ROBO2: variants seen among roughly 807,000 people sequenced by gnomAD.
ROBO2 encodes the protein roundabout homolog 2.
A neutral mutation model predicts 160.8 loss-of-function variants in ROBO2; 53 were observed. The observed-to-expected ratio is 0.33, with a 90% CI of 0.26 to 0.41. The LOEUF is 0.41. Ranked by LOEUF, ROBO2 falls within the 10% of genes least tolerant of loss-of-function variation. ROBO2 has a pLI of 1.00. For synonymous variants in ROBO2, 664 were observed against 611.7 expected, an observed-to-expected ratio of 1.09 and a Z score of -1.26; for missense variants, 1,577 against 1,722.4, an observed-to-expected ratio of 0.92 and a Z score of 1.49.
intron 1 of ROBO2, among the ~76,000 whole-genome samples, chr3:77,096,702 G>A (rs1009243463): frequency 2.0e-5 from 3 of 151,894 alleles, no homozygotes; most frequent in African/African-American, 4.8e-5. Context: ...CACCCACCTC[G>A]GCCTCCCAAA....
At position 77,012,359 on chromosome 3, in the gene ROBO2, A is replaced by G. The variant is rs893613557; in HGVS notation, c.110-85655A>G. Among the ~76,000 whole-genome samples, 12 of 152,324 alleles carry G rather than the reference A, an allele frequency of 7.9e-5. No homozygotes were observed. The East Asian group carries it at 1.5e-3, about 20-fold the overall frequency. On this transcript the variant is annotated intron_variant, in intron 2 of 26. Coordinates refer to the ROBO2 transcript ENST00000487694. ...TGTTTACTTTCTATTTCAAGGCTTC[A>G]TGAAACTTTCAGCCTAAAGATTAAT...
intron 2 of ROBO2, among the ~76,000 whole-genome samples, chr3:76,879,080 A>C (rs955320380): frequency 6.6e-6 from 1 of 152,212 alleles, no homozygotes; most frequent in African/African-American, 2.4e-5. Flanking sequence ...AGAAACCCAG[A>C]TGATTTATTC....
intron 2 of ROBO2, among the ~76,000 whole-genome samples, chr3:76,112,377 AC>A (rs2070272688): frequency 6.6e-6 from 1 of 151,970 alleles, no homozygotes; most frequent in African/African-American, 2.4e-5. Flanking sequence ...AATACAAATA[AC>A]CTAGTCATAT....
At chr3:76,215,884 G>C (rs990333743) in intron 2 of ROBO2, among the ~76,000 whole-genome samples, 23 of 152,082 alleles carry the variant, frequency 1.5e-4, no homozygotes, top group African/African-American at 5.3e-4. Flanking sequence ...TGAAATGAAG[G>C]AAAAAATGTT....
At chr3:77,069,006 G>A (rs1368525599) in intron 1 of ROBO2, among the ~76,000 whole-genome samples, 8 of 152,030 alleles carry the variant, frequency 5.3e-5, no homozygotes, top group Non-Finnish European at 1.0e-4. Context: ...TTTGAGCATG[G>A]CCACGCTCAA....
intron 2 of ROBO2, among the ~76,000 whole-genome samples, chr3:77,222,531 G>A (rs2085961224): frequency 6.6e-6 from 1 of 152,290 alleles, no homozygotes; most frequent in African/African-American, 2.4e-5. Context: ...TTGCAAGTAA[G>A]AGTGAATTGG....
chr3:77,046,631 C>G (rs2149660692), intron 1 of ROBO2, among the ~76,000 whole-genome samples: 1 of 152,212 alleles, frequency 6.6e-6, no homozygotes, highest in East Asian at 1.9e-4. Flanking sequence ...AAACTAGACT[C>G]CAGGGATGCT....
intron 9 of ROBO2, among the ~76,000 whole-genome samples, chr3:77,561,915 C>G (rs933692151): frequency 4.6e-5 from 7 of 151,872 alleles, no homozygotes; most frequent in Non-Finnish European, 8.8e-5. Flanking sequence ...ACCAGCCTGA[C>G]CAACATGGAG....
intron 16 of ROBO2, among the ~76,000 whole-genome samples, chr3:77,583,176 G>GAAAAA (rs2093963899): frequency 4.2e-5 from 6 of 143,334 alleles, no homozygotes; most frequent in African/African-American, 1.6e-4. Flanking sequence ...AAAAAAAAAG[G>GAAAAA]AAAAAACATT....
intron 2 of ROBO2, among the ~76,000 whole-genome samples, chr3:76,751,477 T>TCTGTACAGC (rs1252046236): frequency 6.6e-6 from 1 of 150,742 alleles, no homozygotes; most frequent in Non-Finnish European, 1.5e-5. Context: ...CTAAAGAATT[T>TCTGTACAGC]AAAAGAAACT....
intron 2 of ROBO2, among the ~76,000 whole-genome samples, chr3:77,472,761 A>G (rs1210842145): frequency 1.3e-5 from 2 of 152,118 alleles, no homozygotes; most frequent in African/African-American, 4.8e-5. Context: ...AAGCAATCGT[A>G]TATATTATAT....
At chr3:76,929,128 C>T (rs997710877) in intron 2 of ROBO2, among the ~76,000 whole-genome samples, 12 of 152,064 alleles carry the variant, frequency 7.9e-5, no homozygotes, top group African/African-American at 2.9e-4. Flanking sequence ...GGCGTGATGG[C>T]GTTTGCTTGT....
intron 2 of ROBO2, among the ~76,000 whole-genome samples, chr3:76,206,300 T>G (rs570229850): frequency 1.3e-5 from 2 of 152,288 alleles, no homozygotes; most frequent in Non-Finnish European, 2.9e-5. Context: ...TAAGTTATCA[T>G]TGGCCTATTT....
chr3:77,354,710 T>C (rs1376185065), intron 2 of ROBO2, among the ~76,000 whole-genome samples: 1 of 152,152 alleles, frequency 6.6e-6, no homozygotes, highest in Non-Finnish European at 1.5e-5. Flanking sequence ...AATTAAAAGA[T>C]GGCATTTCTG....
chr3:77,573,226 G>C (rs369313469), intron 13 of ROBO2, among the ~76,000 whole-genome samples: 1 of 151,826 alleles, frequency 6.6e-6, no homozygotes, highest in African/African-American at 2.4e-5. Context: ...ATTAAAAGAT[G>C]CTTAATTTTT....
chr3:76,117,642 T>C (rs1346231963), intron 2 of ROBO2, among the ~76,000 whole-genome samples: 2 of 152,178 alleles, frequency 1.3e-5, no homozygotes, highest in African/African-American at 2.4e-5. Context: ...CCTCTTCTGA[T>C]AGTTTCATAA....
intron 2 of ROBO2, chr3:76,435,008 T>C: frequency 6.7e-7 from 1 of 1,493,098 alleles, no homozygotes; most frequent in Non-Finnish European, 9.3e-7. Flanking sequence ...ATCAGGAAAA[T>C]GTTTCCAACC....
Position 76,703,356 on chromosome 3 carries a change from A to G in ROBO2, c.110-394658A>G, listed in dbSNP as rs2107491939. 1.3e-5 allele frequency among the ~76,000 whole-genome samples: 2 copies of G among 152,116 alleles called. 1 individual carries two copies. The highest frequency in any genetic ancestry group is 4.8e-5 in the African/African-American group (2 of 41,516). ...ACCAATATTTACTTAGTACCCTGTC[A>G]TTTATTTTGTTTTGTTTTGTTTAAT... On this transcript the variant is annotated intron_variant, in intron 2 of 26. Coordinates refer to the ROBO2 transcript ENST00000487694.
intron 2 of ROBO2, among the ~76,000 whole-genome samples, chr3:77,232,368 TC>T (rs1553859774): frequency 2.0e-5 from 3 of 152,106 alleles, no homozygotes; most frequent in Non-Finnish European, 4.4e-5. Flanking sequence ...TAGAGGCTGT[TC>T]TATAAAGTCC....
Sources: allele counts gnomAD v4.1 joint callset (sites outside exome capture counted in the v4.1 genomes callset), GRCh38; gene constraint gnomAD v4.1.1; transcripts MANE v1.5; gene names NCBI Gene and HGNC (gene_info 2026-07-23, HGNC 2026-07-21).